ACOXL: variants seen among roughly 807,000 people sequenced by gnomAD.
ACOXL encodes acyl-coenzyme A oxidase-like protein.
Under a neutral mutation model 71.9 loss-of-function variants are expected in ACOXL, and 70 were observed. The ratio of observed to expected loss-of-function variants is 0.97; its 90% CI spans 0.80 to 1.19. The LOEUF (loss-of-function observed/expected upper bound fraction) is 1.19, where lower values mean the gene tolerates loss of function less well. Among genes scored for constraint, ACOXL ranks in the 50% most tolerant of loss-of-function variants. The pLI, the probability that ACOXL is intolerant of heterozygous loss-of-function variation, is 0.00. For synonymous variants in ACOXL, 253 were observed against 281.6 expected, an observed-to-expected ratio of 0.90 and a Z score of 1.02; for missense variants, 703 against 736.3, an observed-to-expected ratio of 0.95 and a Z score of 0.52.
At chr2:110,819,587 T>C (rs764962592) in intron 9 of ACOXL, among the ~76,000 whole-genome samples, 15 of 152,102 alleles carry the variant, frequency 9.9e-5, no homozygotes, top group Non-Finnish European at 1.9e-4. Flanking sequence ...AACTAGGAGA[T>C]CATAGCTTCA....
At chr2:110,996,101 GC>G (rs2063385671) in intron 14 of ACOXL, 97 bp downstream of exon 14, 1 of 1,025,368 alleles carries the variant, frequency 9.8e-7, no homozygotes, top group Admixed American at 1.9e-5. Context: ...GGATGAGTCA[GC>G]CTAATGACAA....
intron 12 of ACOXL, among the ~76,000 whole-genome samples, chr2:110,961,973 C>T (rs1156654517): frequency 6.6e-6 from 1 of 152,204 alleles, no homozygotes; most frequent in Non-Finnish European, 1.5e-5. Flanking sequence ...TATTACAATT[C>T]AAGATGAGAT....
At chr2:110,963,624 G>C (rs777482393) in intron 12 of ACOXL, 7 of 1,611,522 alleles carry the variant, frequency 4.3e-6, no homozygotes, top group Non-Finnish European at 8.5e-7. Flanking sequence ...TCTGCAACAG[G>C]GTTACATGAT....
At chr2:110,811,153 C>T (rs1243036853) in intron 9 of ACOXL, among the ~76,000 whole-genome samples, 1 of 152,180 alleles carries the variant, frequency 6.6e-6, no homozygotes, top group Non-Finnish European at 1.5e-5. Flanking sequence ...ATGGAATGTC[C>T]TAGAGAAAAC....
chr2:110,909,879 G>C (rs2059589721), intron 11 of ACOXL, among the ~76,000 whole-genome samples: 1 of 151,738 alleles, frequency 6.6e-6, no homozygotes. Context: ...AACCCTGCAG[G>C]CTGAGCTGCA....
At chr2:110,733,855 C>T (rs1676502903) in intron 1 of ACOXL, among the ~76,000 whole-genome samples, 1 of 152,108 alleles carries the variant, frequency 6.6e-6, no homozygotes, top group South Asian at 2.1e-4. Flanking sequence ...TACAGGGAGC[C>T]CTGGGGGGAC....
intron 12 of ACOXL, among the ~76,000 whole-genome samples, chr2:110,950,955 T>C (rs1339431687): frequency 4.6e-5 from 7 of 152,126 alleles, no homozygotes; most frequent in Non-Finnish European, 1.0e-4. Context: ...CCTCTTGGTG[T>C]CTGCCCATTC....
chr2:110,970,685 G>A (rs2062146447), intron 12 of ACOXL, among the ~76,000 whole-genome samples: 1 of 152,140 alleles, frequency 6.6e-6, no homozygotes, highest in African/African-American at 2.4e-5. Flanking sequence ...AAAAACTGTA[G>A]CTTTCTGACA....
At position 111,092,954 on chromosome 2, in the gene ACOXL, G is replaced by A. The variant is rs780801742; in HGVS notation, c.1530G>A (p.Arg510=). The A allele has an allele frequency of 3.7e-5, 60 of 1,613,840 alleles. 1 individual carries two copies. In the South Asian group the frequency reaches 5.8e-4, roughly 16 times the overall value. ...ACTTGACTCCCATGGCCAGCACGAGGATCAGGAATCAGGTAAGGTCCCTGG... is the reference window on the plus strand; with the variant it reads ...ACTTGACTCCCATGGCCAGCACGAGAATCAGGAATCAGGTAAGGTCCCTGG... ...HKYLTPMAST[R]IRNQLLDLCD... The change falls in exon 17 of 18, where the codon AGG becomes AGA. Residue 510 remains arginine (R), a synonymous_variant. Transcript: ENST00000439055.
intron 10 of ACOXL, among the ~76,000 whole-genome samples, chr2:110,849,125 C>A (rs1244816195): frequency 1.3e-5 from 2 of 152,194 alleles, no homozygotes; most frequent in Non-Finnish European, 2.9e-5. Context: ...GGTCTCAGGG[C>A]AGCTTCTCAG....
At chr2:110,996,081 G>A in intron 14 of ACOXL, 77 bp downstream of exon 14, 4 of 1,238,852 alleles carry the variant, frequency 3.2e-6, no homozygotes, top group Middle Eastern at 1.9e-4. Flanking sequence ...TATCTGTTAA[G>A]TTTAGTAGAG....
intron 12 of ACOXL, among the ~76,000 whole-genome samples, chr2:110,944,495 C>T (rs1315558468): frequency 6.6e-6 from 1 of 152,144 alleles, no homozygotes; most frequent in African/African-American, 2.4e-5. Context: ...TTTTTATCCT[C>T]ACCTCCTCCC....
intron 1 of ACOXL, among the ~76,000 whole-genome samples, chr2:110,760,785 C>CT (rs1244940173): frequency 1.5e-4 from 23 of 151,736 alleles, no homozygotes; most frequent in Admixed American, 1.2e-3. Flanking sequence ...GGATATGATA[C>CT]TTTTTTTTTC....
chr2:110,933,784 C>A, intron 12 of ACOXL, 142 bp downstream of exon 12: 1 of 1,059,208 alleles, frequency 9.4e-7, no homozygotes, highest in Non-Finnish European at 1.3e-6. Flanking sequence ...TCCTTACCAG[C>A]CTCATAGTCT....
intron 14 of ACOXL, among the ~76,000 whole-genome samples, chr2:111,023,460 TTTTTTGATTACA>T (rs2064873010): frequency 6.6e-6 from 1 of 152,082 alleles, no homozygotes; most frequent in Non-Finnish European, 1.5e-5. Flanking sequence ...AAAAATGGGA[TTTTTTGATTACA>T]GGGAGACATC....
At chr2:110,841,454 A>G in intron 10 of ACOXL, 49 bp downstream of exon 10, 3 of 1,508,160 alleles carry the variant, frequency 2.0e-6, no homozygotes, top group South Asian at 1.2e-5. Context: ...TTACCAGTTT[A>G]TAGCTCTTGG....
chr2:110,845,615 A>C (rs1276170651), intron 10 of ACOXL, among the ~76,000 whole-genome samples: 1 of 152,156 alleles, frequency 6.6e-6, no homozygotes, highest in Admixed American at 6.5e-5. Context: ...CTTCCTGACA[A>C]CCACCATTTT....
chr2:110,946,071 T>A (rs1333090360), intron 12 of ACOXL, among the ~76,000 whole-genome samples: 1 of 152,234 alleles, frequency 6.6e-6, no homozygotes, highest in Non-Finnish European at 1.5e-5. Flanking sequence ...ACCTTCCTGG[T>A]TAGCTGTATT....
chr2:111,108,736 A>T (rs1220361250), intron 17 of ACOXL, among the ~76,000 whole-genome samples: 2 of 152,180 alleles, frequency 1.3e-5, no homozygotes, highest in Non-Finnish European at 2.9e-5. Flanking sequence ...AGACTGTATA[A>T]TGCAGATCTC....
Sources: gnomAD v4.1 joint callset for allele counts (sites outside exome capture counted in the v4.1 genomes callset) on GRCh38, gnomAD v4.1.1 for gene constraint, MANE v1.5 for transcripts, NCBI Gene and HGNC (gene_info 2026-07-23, HGNC 2026-07-21) for gene names.